Variants in DTNB observed in about 807,000 individuals in gnomAD.
The protein encoded by DTNB is dystrobrevin beta, also known as DTN-B.
Under a neutral mutation model 90.7 loss-of-function variants are expected in DTNB, and 63 were observed. That is an observed-to-expected ratio of 0.69 (90% CI 0.57 to 0.86). DTNB has a LOEUF of 0.86. Ranked by LOEUF, DTNB falls within the 40% of genes least tolerant of loss-of-function variation. The probability of loss-of-function intolerance (pLI) is 0.00; values close to 1 mark genes in which losing one functional copy is unlikely to be tolerated. For missense variants in DTNB, 744 were observed against 807.1 expected, an observed-to-expected ratio of 0.92 and a Z score of 0.95; for synonymous variants, 277 against 286.7, an observed-to-expected ratio of 0.97 and a Z score of 0.34.
At chr2:25,488,956 C>T (rs1184668058) in intron 9 of DTNB, among the ~76,000 whole-genome samples, 4 of 152,050 alleles carry the variant, frequency 2.6e-5, no homozygotes, top group Non-Finnish European at 5.9e-5. Context: ...TGGCCGAAAA[C>T]GTACATTTAT....
intron 10 of DTNB, among the ~76,000 whole-genome samples, chr2:25,474,961 G>C (rs1027357877): frequency 2.0e-5 from 3 of 152,256 alleles, no homozygotes; most frequent in Admixed American, 6.5e-5. Context: ...ATCAATATGT[G>C]TTCTGACCGT....
chr2:25,645,191 T>A (rs2079147614), intron 2 of DTNB, among the ~76,000 whole-genome samples: 1 of 148,188 alleles, frequency 6.7e-6, no homozygotes, highest in East Asian at 2.1e-4. Context: ...GAGACCTGGC[T>A]GGCCAACTGG....
chr2:25,461,641 T>G (rs922814327), intron 10 of DTNB, among the ~76,000 whole-genome samples: 1 of 152,156 alleles, frequency 6.6e-6, no homozygotes, highest in African/African-American at 2.4e-5. Context: ...GCATTACTGA[T>G]GGAAATTGAG....
chr2:25,447,582 G>A (rs1208332090), intron 12 of DTNB, among the ~76,000 whole-genome samples: 2 of 143,052 alleles, frequency 1.4e-5, no homozygotes, highest in Admixed American at 7.5e-5. Flanking sequence ...TCAGCTCACT[G>A]CAACCTCTGC....
intron 8 of DTNB, among the ~76,000 whole-genome samples, chr2:25,546,251 G>C (rs994872973): frequency 6.6e-6 from 1 of 152,170 alleles, no homozygotes; most frequent in Admixed American, 6.5e-5. Context: ...CCCTATAATA[G>C]ACAACCCTCT....
At chr2:25,569,481 T>C (rs1027832679) in intron 8 of DTNB, among the ~76,000 whole-genome samples, 15 of 152,126 alleles carry the variant, frequency 9.9e-5, no homozygotes, top group African/African-American at 3.6e-4. Context: ...ATCAGACTGG[T>C]TGGTTTTAGA....
At chr2:25,526,395 A>ATATATATTTTTTTTT in intron 9 of DTNB, among the ~76,000 whole-genome samples, 6 of 49,828 alleles carry the variant, frequency 1.2e-4, no homozygotes, top group Admixed American at 8.6e-4. Context: ...ATATATATAT[A>ATATATATTTTTTTTT]TTTTTTTTTT....
In DTNB at chr2:25,509,467, A is replaced by T. The variant is rs527819167; in HGVS notation, c.1001+22006T>A. 9.2e-5 allele frequency among the ~76,000 whole-genome samples: 14 copies of T among 152,252 alleles called. No homozygotes were observed. The East Asian group carries it at 2.1e-3, about 23-fold the overall frequency. On this transcript the variant is annotated intron_variant, in intron 9 of 20. Transcript: ENST00000406818. ...CTTTAGCGAGGTTCCTTTAGTAGTG[A>T]GCATTTTTATTCATCTGCAAATGTT...
chr2:25,644,089 C>A (rs948394917), intron 2 of DTNB, among the ~76,000 whole-genome samples: 2 of 152,200 alleles, frequency 1.3e-5, no homozygotes, highest in Non-Finnish European at 2.9e-5. Context: ...CATGAATAAT[C>A]CACCTCTTGT....
At chr2:25,623,107 C>G (rs374233716) in intron 4 of DTNB, among the ~76,000 whole-genome samples, 2 of 152,036 alleles carry the variant, frequency 1.3e-5, no homozygotes, top group African/African-American at 4.8e-5. Context: ...AACGAGAAAA[C>G]AAAAACAGAG....
At chr2:25,503,053 CAAAAAAAAAAAAAAAAAAAAAAAAA>C (rs58871909) in intron 9 of DTNB, among the ~76,000 whole-genome samples, 2 of 15,332 alleles carry the variant, frequency 1.3e-4, no homozygotes, top group Non-Finnish European at 2.7e-4. Flanking sequence ...GACCCTATCT[CAAAAAAAAAAAAAAAAAAAAAAAAA>C]AAAAAAAAAA....
At chr2:25,633,791 C>T (rs1191347227) in intron 3 of DTNB, among the ~76,000 whole-genome samples, 1 of 149,988 alleles carries the variant, frequency 6.7e-6, no homozygotes, top group Admixed American at 6.6e-5. Context: ...GGCCGCTCAT[C>T]GTCTGAGATG....
intron 9 of DTNB, among the ~76,000 whole-genome samples, chr2:25,491,128 G>A (rs603235): frequency 0.28 from 33,984 of 121,492 alleles, 4,628 homozygotes; most frequent in South Asian, 0.39. Flanking sequence ...GAAGGGAAGT[G>A]TTATATGAGC....
intron 12 of DTNB, among the ~76,000 whole-genome samples, chr2:25,449,144 G>T (rs2058884569): frequency 6.6e-6 from 1 of 152,142 alleles, no homozygotes; most frequent in Middle Eastern, 3.4e-3. Context: ...TAATATTTTT[G>T]ATATTCACCA....
At chr2:25,633,111 C>G (rs1013231065) in intron 3 of DTNB, among the ~76,000 whole-genome samples, 17 of 152,206 alleles carry the variant, frequency 1.1e-4, no homozygotes, top group African/African-American at 4.1e-4. Flanking sequence ...AGATCAAGAT[C>G]ACTGTATTTC....
intron 4 of DTNB, among the ~76,000 whole-genome samples, chr2:25,616,287 T>C (rs1393752469): frequency 6.6e-6 from 1 of 152,168 alleles, no homozygotes; most frequent in Non-Finnish European, 1.5e-5. Flanking sequence ...ACAATGGATC[T>C]TCATGGGTAC....
intron 15 of DTNB, chr2:25,426,763 A>G (rs773783501): frequency 6.6e-6 from 1 of 152,210 alleles, no homozygotes; most frequent in African/African-American, 2.4e-5. Context: ...CTTTATATAC[A>G]TTCTACTGGT....
At chr2:25,529,646 C>T (rs1475854272) in intron 9 of DTNB, among the ~76,000 whole-genome samples, 1 of 151,918 alleles carries the variant, frequency 6.6e-6, no homozygotes. Context: ...AAAATCAATC[C>T]AGTTAAAAAT....
intron 8 of DTNB, among the ~76,000 whole-genome samples, chr2:25,555,152 G>A (rs1169110141): frequency 2.0e-5 from 3 of 151,946 alleles, no homozygotes; most frequent in African/African-American, 7.3e-5. Context: ...TTAGCTGGGT[G>A]TGGTGGCGGG....
Sources: allele counts gnomAD v4.1 joint callset (sites outside exome capture counted in the v4.1 genomes callset), GRCh38; gene constraint gnomAD v4.1.1; transcripts MANE v1.5; gene names NCBI Gene and HGNC (gene_info 2026-07-23, HGNC 2026-07-21).